TBC1D1: variants seen among roughly 807,000 people sequenced by gnomAD.
The protein encoded by TBC1D1 is TBC1 (tre-2/USP6, BUB2, cdc16) domain family, member 1.
Under a neutral mutation model 125.6 loss-of-function variants are expected in TBC1D1, and 89 were observed. The ratio of observed to expected loss-of-function variants is 0.71; its 90% CI spans 0.60 to 0.85. TBC1D1 has a LOEUF of 0.85. Among genes scored for constraint, TBC1D1 ranks in the 40% least tolerant of loss-of-function variants. The pLI is 0.00. For synonymous variants in TBC1D1, 565 were observed against 564.1 expected, an observed-to-expected ratio of 1.00 and a Z score of -0.02; for missense variants, 1,377 against 1,469.2, an observed-to-expected ratio of 0.94 and a Z score of 1.03.
At position 37,995,254 on chromosome 4, in the gene TBC1D1, A is replaced by G. The variant is rs924343642; in HGVS notation, c.418-19255A>G. ...TAAAGGTGTAAACAAAAATGTTAGCAGAGGGTTAGGCACTGGCTACGAATT... is the reference window on the plus strand; with the variant it reads ...TAAAGGTGTAAACAAAAATGTTAGCGGAGGGTTAGGCACTGGCTACGAATT... On this transcript the variant is annotated intron_variant, in intron 2 of 19. Transcript: ENST00000261439. The surrounding 1 kb of genome is among the most constrained non-coding windows in gnomAD (Gnocchi z 4.3). Among the ~76,000 whole-genome samples the G allele has an allele frequency of 3.9e-5, 6 of 152,204 alleles. No homozygotes were observed. The highest frequency in any genetic ancestry group is 8.8e-5 in the Non-Finnish European group (6 of 68,036).
chr4:37,902,611 G>A (rs1412703123), intron 2 of TBC1D1, 99 bp downstream of exon 2: 6 of 951,580 alleles, frequency 6.3e-6, no homozygotes, highest in Non-Finnish European at 9.0e-6. Flanking sequence ...AATGAATAAG[G>A]AATTAATGCT....
chr4:37,990,003 A>G (rs1046336023), intron 2 of TBC1D1, among the ~76,000 whole-genome samples: 2 of 152,218 alleles, frequency 1.3e-5, no homozygotes, highest in African/African-American at 4.8e-5. Context: ...CAGAATTTAT[A>G]ATTGTAGGAC....
chr4:38,054,355 A>C lies in TBC1D1; in HGVS notation c.2050+17A>C. The stretch of plus-strand genomic sequence containing the variant: ...GATATGAAGGTAAGGCCGGTACCTG[A>C]AATGAAACCTCAAAGAGAGCACGCT... On this transcript the variant is annotated intron_variant, in intron 12 of 19. Transcript: ENST00000261439. The C allele has an allele frequency of 6.2e-7, 1 of 1,613,802 alleles. No homozygotes were observed. Among genetic ancestry groups the C allele is most frequent in the Non-Finnish European group, 8.5e-7 (1 of 1,179,918 alleles).
chr4:37,909,982 G>T (rs563624372), intron 2 of TBC1D1, among the ~76,000 whole-genome samples: 11 of 152,158 alleles, frequency 7.2e-5, no homozygotes, highest in Non-Finnish European at 1.5e-4. Context: ...CATGAACTCC[G>T]AAGTATTTGT....
chr4:38,109,818 A>G (rs1334723344), intron 15 of TBC1D1, among the ~76,000 whole-genome samples: 3 of 152,180 alleles, frequency 2.0e-5, no homozygotes, highest in African/African-American at 4.8e-5. Flanking sequence ...GAGGGTTACA[A>G]AGGGTGTTTG....
At chr4:38,056,268 T>A (rs1751688278) in intron 12 of TBC1D1, among the ~76,000 whole-genome samples, 1 of 152,182 alleles carries the variant, frequency 6.6e-6, no homozygotes, top group South Asian at 2.1e-4. Flanking sequence ...CCCTCGTCAC[T>A]GTTTGGGAAC....
intron 2 of TBC1D1, among the ~76,000 whole-genome samples, chr4:37,955,915 T>C (rs981462307): frequency 6.6e-6 from 1 of 152,148 alleles, no homozygotes; most frequent in African/African-American, 2.4e-5. Context: ...GGTGGGAGGA[T>C]TGCTTGAGTC....
At chr4:38,106,091 G>A (rs78459613) in intron 15 of TBC1D1, among the ~76,000 whole-genome samples, 2,248 of 152,218 alleles carry the variant, frequency 0.015, 40 homozygotes, top group East Asian at 0.082. Flanking sequence ...ACAGCCCTCT[G>A]CGGACTGGGC....
chr4:38,012,140 A>G (rs572342026), intron 2 of TBC1D1, among the ~76,000 whole-genome samples: 23 of 152,380 alleles, frequency 1.5e-4, no homozygotes, highest in Non-Finnish European at 2.6e-4. Context: ...TTGATAAAAT[A>G]ATCTTACACA....
At chr4:37,957,221 A>G (rs1729113271) in intron 2 of TBC1D1, among the ~76,000 whole-genome samples, 1 of 152,246 alleles carries the variant, frequency 6.6e-6, no homozygotes. Context: ...AAAGAAGGAA[A>G]GAGACAAATG....
chr4:38,069,586 T>G lies in TBC1D1; in HGVS notation c.2050+15248T>G, dbSNP rs578055509. Reference sequence around the variant, plus strand: ...ATGTAATTTTTTTTTCCTCTCGGTCTCTTTATTCTGCACACCAGCTCACCC... The same window carrying G: ...ATGTAATTTTTTTTTCCTCTCGGTCGCTTTATTCTGCACACCAGCTCACCC... On this transcript the variant is annotated intron_variant, in intron 12 of 19. Transcript: ENST00000261439. Among the ~76,000 whole-genome samples the G allele has an allele frequency of 2.0e-4, 30 of 152,288 alleles. No individual in the cohort carries two copies. The East Asian group carries it at 4.8e-3, about 24-fold the overall frequency.
At chr4:37,944,298 A>T (rs1726195349) in intron 2 of TBC1D1, among the ~76,000 whole-genome samples, 1 of 152,120 alleles carries the variant, frequency 6.6e-6, no homozygotes, top group African/African-American at 2.4e-5. Flanking sequence ...CCACTTGAGG[A>T]GGCAGTCTGT....
chr4:37,909,887 T>C (rs2995915), intron 2 of TBC1D1, among the ~76,000 whole-genome samples: 18,203 of 152,268 alleles, frequency 0.12, 1,262 homozygotes, highest in Middle Eastern at 0.17. Flanking sequence ...AGCACTTGAC[T>C]GTCTGTCACA....
intron 12 of TBC1D1, among the ~76,000 whole-genome samples, chr4:38,085,734 C>A (rs547789483): frequency 6.6e-6 from 1 of 152,168 alleles, no homozygotes; most frequent in Non-Finnish European, 1.5e-5. Context: ...GAGTAGCCCT[C>A]CTTAGACCAC....
chr4:37,947,720 G>A (rs111624336), intron 2 of TBC1D1, among the ~76,000 whole-genome samples: 90 of 152,288 alleles, frequency 5.9e-4, no homozygotes, highest in African/African-American at 1.8e-3. Flanking sequence ...GCAAACTAAT[G>A]TTTAGTCAAG....
At chr4:38,008,012 A>G (rs968103752) in intron 2 of TBC1D1, among the ~76,000 whole-genome samples, 4 of 152,210 alleles carry the variant, frequency 2.6e-5, no homozygotes, top group African/African-American at 9.6e-5. Context: ...AAGCTGCTTC[A>G]TTTAGGTGGG....
chr4:38,027,033 T>C (rs1200075357), intron 6 of TBC1D1, among the ~76,000 whole-genome samples: 1 of 152,194 alleles, frequency 6.6e-6, no homozygotes, highest in East Asian at 1.9e-4. Flanking sequence ...GGTTTACATA[T>C]CAACACAAGA....
intron 13 of TBC1D1, among the ~76,000 whole-genome samples, chr4:38,092,144 C>G (rs1758527915): frequency 6.6e-6 from 1 of 152,134 alleles, no homozygotes; most frequent in Admixed American, 6.5e-5. Context: ...CAGGGCAGAA[C>G]TTTTACATTA....
chr4:37,922,795 C>T (rs540008766), intron 2 of TBC1D1, among the ~76,000 whole-genome samples: 2 of 152,128 alleles, frequency 1.3e-5, no homozygotes, highest in Non-Finnish European at 2.9e-5. Flanking sequence ...GCTGCCCTGG[C>T]CTCAATGATT....
Sources: allele counts gnomAD v4.1 joint callset (sites outside exome capture counted in the v4.1 genomes callset), GRCh38; gene constraint gnomAD v4.1.1; non-coding constraint Gnocchi (gnomAD v3.1); transcripts MANE v1.5; gene names NCBI Gene and HGNC (gene_info 2026-07-23, HGNC 2026-07-21).